The following CHST11 variants were observed in gnomAD, a reference collection of about 807,000 sequenced individuals.
CHST11 encodes carbohydrate sulfotransferase 11.
In CHST11, 9 loss-of-function variants were observed where a neutral mutation model predicts 30.4. The observed-to-expected ratio is 0.30, with a 90% CI of 0.18 to 0.52. The LOEUF (loss-of-function observed/expected upper bound fraction) is 0.52. Among genes scored for constraint, CHST11 ranks in the 20% least tolerant of loss-of-function variants. CHST11 has a pLI of 0.97. For missense variants in CHST11, 348 were observed against 460.6 expected, an observed-to-expected ratio of 0.76 and a Z score of 2.24; for synonymous variants, 152 against 187.8, an observed-to-expected ratio of 0.81 and a Z score of 1.56.
At chr12:104,580,089 G>A (rs770725988) in intron 1 of CHST11, among the ~76,000 whole-genome samples, 4 of 152,138 alleles carry the variant, frequency 2.6e-5, no homozygotes, top group Non-Finnish European at 4.4e-5. Context: ...TAAAAGCGTC[G>A]TCTTTTTGCT....
chr12:104,516,955 C>T (rs908282791), intron 1 of CHST11, among the ~76,000 whole-genome samples: 1 of 152,118 alleles, frequency 6.6e-6, no homozygotes, highest in African/African-American at 2.4e-5. Context: ...TCTAGAGTTA[C>T]GAATGGTAAA....
rs147436287 is a variant in CHST11 at position 104,601,534 on chromosome 12, G to C, written c.119-372G>C. Among the ~76,000 whole-genome samples the C allele has an allele frequency of 4.2e-3, 635 of 152,334 alleles. 2 individuals are homozygous for C. The highest frequency in any genetic ancestry group is 0.014 in the Middle Eastern group (4 of 294). ...ATTGACTGTTGCTGGAGAAGTCTGC[G>C]GAATCTTAAAATGTGTTACCAAGCC... On this transcript the variant is annotated intron_variant, in intron 1 of 2. Coordinates refer to ENST00000303694, the MANE Select transcript of CHST11 (RefSeq NM_018413.6).
At chr12:104,680,096 T>C (rs528903015) in intron 2 of CHST11, among the ~76,000 whole-genome samples, 1 of 152,260 alleles carries the variant, frequency 6.6e-6, no homozygotes, top group African/African-American at 2.4e-5. Flanking sequence ...GCAGGGGTTT[T>C]GGGCTAGGCC....
At chr12:104,484,787 T>C (rs1593961902) in intron 1 of CHST11, among the ~76,000 whole-genome samples, 1 of 152,176 alleles carries the variant, frequency 6.6e-6, no homozygotes, top group East Asian at 1.9e-4. Flanking sequence ...CAAGGAAACC[T>C]AATGAATGTT....
At chr12:104,687,358 A>C (rs1741674113) in intron 2 of CHST11, among the ~76,000 whole-genome samples, 1 of 152,260 alleles carries the variant, frequency 6.6e-6, no homozygotes, top group African/African-American at 2.4e-5. Context: ...CAATACAGCA[A>C]TAGTGATGGT....
At chr12:104,483,502 G>GGCC (rs1433436279) in intron 1 of CHST11, among the ~76,000 whole-genome samples, 1 of 152,046 alleles carries the variant, frequency 6.6e-6, no homozygotes, top group Non-Finnish European at 1.5e-5. Context: ...CACCGTGCCC[G>GGCC]GCCTCCCCAT....
At chr12:104,632,466 G>A (rs1416669617) in intron 2 of CHST11, among the ~76,000 whole-genome samples, 1 of 152,194 alleles carries the variant, frequency 6.6e-6, no homozygotes, top group Non-Finnish European at 1.5e-5. Flanking sequence ...AGATACAAGA[G>A]GAGCCTGGTC....
At chr12:104,628,119 T>C (rs1438928315) in intron 2 of CHST11, among the ~76,000 whole-genome samples, 1 of 152,210 alleles carries the variant, frequency 6.6e-6, no homozygotes, top group Non-Finnish European at 1.5e-5. Context: ...TAAGTCTCTA[T>C]CTGCCAAGGC....
At chr12:104,674,003 C>T (rs1271684882) in intron 2 of CHST11, among the ~76,000 whole-genome samples, 1 of 152,222 alleles carries the variant, frequency 6.6e-6, no homozygotes, top group Non-Finnish European at 1.5e-5. Context: ...GCTCTCCCGG[C>T]CTCTGTTGAA....
intron 2 of CHST11, among the ~76,000 whole-genome samples, chr12:104,715,305 T>C (rs1443790470): frequency 6.6e-6 from 1 of 151,994 alleles, no homozygotes; most frequent in Non-Finnish European, 1.5e-5. Context: ...GCCCAGAAGG[T>C]GGAGGCTGCA....
At chr12:104,616,260 C>G (rs1566009482) in intron 2 of CHST11, among the ~76,000 whole-genome samples, 2 of 151,948 alleles carry the variant, frequency 1.3e-5, no homozygotes, top group Non-Finnish European at 2.9e-5. Flanking sequence ...ACTTTAGAAG[C>G]AAAAAAGGAA....
intron 1 of CHST11, among the ~76,000 whole-genome samples, chr12:104,592,755 A>G (rs1228643334): frequency 1.3e-5 from 2 of 152,104 alleles, no homozygotes; most frequent in Admixed American, 1.3e-4. Context: ...TTTGTCTTAG[A>G]TGTGCCTGAT....
At chr12:104,574,794 A>G (rs1361932591) in intron 1 of CHST11, among the ~76,000 whole-genome samples, 2 of 151,952 alleles carry the variant, frequency 1.3e-5, no homozygotes, top group Non-Finnish European at 2.9e-5. Flanking sequence ...CCAACATGGC[A>G]CATGTATGCC....
At chr12:104,683,779 A>G (rs2039819712) in intron 2 of CHST11, among the ~76,000 whole-genome samples, 1 of 152,196 alleles carries the variant, frequency 6.6e-6, no homozygotes, top group Non-Finnish European at 1.5e-5. Context: ...TGCCAAGAAC[A>G]TCTACCAGGA....
At position 104,758,216 on chromosome 12, in the gene CHST11, A is replaced by C. The variant is rs2040496399; in HGVS notation, c.*413A>C. 1 of 165,982 alleles carries C rather than the reference A, an allele frequency of 6.0e-6. No homozygotes were observed. The highest frequency in any genetic ancestry group is 1.3e-5 in the Non-Finnish European group (1 of 76,786). The allele number at this position is 165,982 out of a possible 1,614,324, so 10.3% of individuals were successfully genotyped here. A position where few individuals can be genotyped will look rare whatever the true frequency, so the allele number is the denominator to read the frequency against. On this transcript the variant is annotated 3_prime_UTR_variant, in exon 3 of 3. Transcript: ENST00000303694. ...TTGCTACAGCTCATTTGGGGGCATG[A>C]ATGTTCTCCTTACTAACCTCTCATG...
chr12:104,499,477 T>G (rs764870313), intron 1 of CHST11, among the ~76,000 whole-genome samples: 6 of 152,128 alleles, frequency 3.9e-5, no homozygotes, highest in Admixed American at 1.3e-4. Flanking sequence ...GGCCATTAAC[T>G]TTATGTAGTT....
intron 2 of CHST11, among the ~76,000 whole-genome samples, chr12:104,706,498 G>A (rs1181484915): frequency 6.6e-6 from 1 of 151,942 alleles, no homozygotes; most frequent in African/African-American, 2.4e-5. Context: ...TATATAGAGT[G>A]GTCAGCGAAG....
intron 1 of CHST11, among the ~76,000 whole-genome samples, chr12:104,532,760 G>A (rs2038197225): frequency 6.6e-6 from 1 of 152,102 alleles, no homozygotes; most frequent in Admixed American, 6.5e-5. Context: ...ACCTAAGACT[G>A]CTCACTGTCC....
chr12:104,708,725 G>A (rs2040058826), intron 2 of CHST11, among the ~76,000 whole-genome samples: 1 of 152,148 alleles, frequency 6.6e-6, no homozygotes, highest in Non-Finnish European at 1.5e-5. Flanking sequence ...CACAGTCTGG[G>A]CCATGTAGAG....
Sources: allele counts gnomAD v4.1 joint callset (sites outside exome capture counted in the v4.1 genomes callset), GRCh38; gene constraint gnomAD v4.1.1; transcripts MANE v1.5; gene names NCBI Gene and HGNC (gene_info 2026-07-23, HGNC 2026-07-21).